Variants in VPS4A observed in about 807,000 individuals in gnomAD.
The protein encoded by VPS4A is vacuolar protein sorting-associated protein 4A.
In VPS4A, 20 loss-of-function variants were observed where a neutral mutation model predicts 52.3. The observed-to-expected ratio is 0.38, with a 90% CI of 0.27 to 0.56. The LOEUF (loss-of-function observed/expected upper bound fraction) is 0.56, where lower values mean the gene tolerates loss of function less well. Among genes scored for constraint, VPS4A ranks in the 20% least tolerant of loss-of-function variants. The pLI is 0.72. For missense variants in VPS4A, 419 were observed against 575.9 expected, an observed-to-expected ratio of 0.73 and a Z score of 2.79; for synonymous variants, 293 against 227.7, an observed-to-expected ratio of 1.29 and a Z score of -2.58.
Position 69,321,494 on chromosome 16 carries a change from G to C in VPS4A, c.1071+224G>C. ...TCAGGGTGTGTGAAAGCAGAGGACA[G>C]GGCCACTTTACTGTCTTAACCCTGC... is the stretch of plus-strand genomic sequence containing the variant. On this transcript the variant is annotated intron_variant, in intron 9 of 10. Coordinates refer to ENST00000254950, the MANE Select transcript of VPS4A (RefSeq NM_013245.3). The surrounding 1 kb of genome is among the most constrained non-coding windows in gnomAD (Gnocchi z 4.5). 1.7e-6 allele frequency: 1 copy of C among 589,710 alleles called. No individual in the cohort carries two copies. 36.5% of individuals were successfully genotyped at this position (589,710 alleles called of 1,614,324 possible).
chr16:69,320,600 C>A lies in VPS4A; in HGVS notation c.770-88C>A. On this transcript the variant is annotated intron_variant, in intron 7 of 10. Coordinates refer to ENST00000254950, the MANE Select transcript of VPS4A (RefSeq NM_013245.3). This position sits in a 1 kb window ranked among gnomAD's most constrained non-coding sequence, Gnocchi z 4.2. ...GCACAGGGATGGCTTCAATTGCTGA[C>A]ACACAAAGCCCCCGGGGTCTGTCCC... 1 of 1,187,776 alleles carries A rather than the reference C, an allele frequency of 8.4e-7. No individual in the cohort carries two copies. Among genetic ancestry groups the A allele is most frequent in the Non-Finnish European group, 1.2e-6 (1 of 837,088 alleles). 73.6% of individuals were successfully genotyped at this position (1,187,776 alleles called of 1,614,324 possible). A position where few individuals can be genotyped will look rare whatever the true frequency, so the allele number is the denominator to read the frequency against.
chr16:69,320,966 T>C lies in VPS4A; in HGVS notation c.852-85T>C. Reference sequence around the variant, plus strand: ...ATCACTGGCCCATGAAATGCGTCCGTTTCACTCAAATCTTCGTGCCTCCCC... The same window carrying C: ...ATCACTGGCCCATGAAATGCGTCCGCTTCACTCAAATCTTCGTGCCTCCCC... On this transcript the variant is annotated intron_variant, in intron 8 of 10. Coordinates refer to ENST00000254950, the MANE Select transcript of VPS4A (RefSeq NM_013245.3). This position sits in a 1 kb window ranked among gnomAD's most constrained non-coding sequence, Gnocchi z 4.2. 1 of 1,413,492 alleles carries C rather than the reference T, an allele frequency of 7.1e-7. No homozygotes were observed. The highest frequency in any genetic ancestry group is 1.8e-4 in the Middle Eastern group (1 of 5,648). The allele number at this position is 1,413,492 out of a possible 1,614,324, so 87.6% of individuals were successfully genotyped here. A position where few individuals can be genotyped will look rare whatever the true frequency, so the allele number is the denominator to read the frequency against.
At chr16:69,315,439 C>A (rs911849661) in intron 1 of VPS4A, among the ~76,000 whole-genome samples, 2 of 152,116 alleles carry the variant, frequency 1.3e-5, no homozygotes, top group Non-Finnish European at 2.9e-5. Flanking sequence ...CTTTAGACAG[C>A]GAAGGAAACT....
chr16:69,320,685 C>T lies in VPS4A; in HGVS notation c.770-3C>T. The T allele has an allele frequency of 1.9e-6, 3 of 1,599,886 alleles. No homozygotes were observed. Among genetic ancestry groups the T allele is most frequent in the Non-Finnish European group, 2.6e-6 (3 of 1,173,318 alleles). On this transcript the variant is annotated splice_region_variant and splice_polypyrimidine_tract_variant and intron_variant, in intron 7 of 10. Transcript: ENST00000254950. This position sits in a 1 kb window ranked among gnomAD's most constrained non-coding sequence, Gnocchi z 4.2. Reference sequence around the variant, plus strand: ...CTGAGTCTTTGTCTCCCTTTCTCCACAGGGGTGGGGAATAACAATGATGGG... The same window carrying T: ...CTGAGTCTTTGTCTCCCTTTCTCCATAGGGGTGGGGAATAACAATGATGGG...
At position 69,320,092 on chromosome 16, in the gene VPS4A, GGGCAC is replaced by G; in HGVS notation, c.621-46_621-42del. On this transcript the variant is annotated intron_variant, in intron 6 of 10. Coordinates refer to ENST00000254950, the MANE Select transcript of VPS4A (RefSeq NM_013245.3). The surrounding 1 kb of genome is among the most constrained non-coding windows in gnomAD (Gnocchi z 4.2). ...AGAGGGAAGTGCCGGGAGCCCAGGCGGGCACGGACGTGAACGTCTTGTCCTCACCC... is the reference window on the plus strand; with the variant it reads ...AGAGGGAAGTGCCGGGAGCCCAGGCGGGACGTGAACGTCTTGTCCTCACCC... 3.2e-6 allele frequency: 5 copies of G among 1,574,376 alleles called. No individual in the cohort carries two copies. The highest frequency in any genetic ancestry group is 4.3e-6 in the Non-Finnish European group (5 of 1,153,546).
intron 1 of VPS4A, among the ~76,000 whole-genome samples, chr16:69,313,283 C>T (rs1367061485): frequency 1.3e-5 from 2 of 151,800 alleles, no homozygotes; most frequent in Non-Finnish European, 1.5e-5. Context: ...CTGTGCCCAG[C>T]GCAACTCACC....
chr16:69,313,130 C>T (rs1319570835), intron 1 of VPS4A, among the ~76,000 whole-genome samples: 1 of 151,764 alleles, frequency 6.6e-6, no homozygotes, highest in Non-Finnish European at 1.5e-5. Context: ...AGGCACCTCC[C>T]ATCACACCCA....
At chr16:69,312,533 C>T (rs1407588571) in intron 1 of VPS4A, among the ~76,000 whole-genome samples, 1 of 152,182 alleles carries the variant, frequency 6.6e-6, no homozygotes, top group Admixed American at 6.5e-5. Flanking sequence ...ATCCCGTCTG[C>T]CCAGGCAGGT....
Position 69,325,392 on chromosome 16 carries a change from GCGCGGTGGCT to G in VPS4A, c.*1085_*1094del. ...ACATTTAAAAGTCGAGAGTTGCTGG[GCGCGGTGGCT>G]CACGCCTGTAATCCCAGCACTTTGG... On this transcript the variant is annotated 3_prime_UTR_variant, in exon 11 of 11. Coordinates refer to ENST00000254950, the MANE Select transcript of VPS4A (RefSeq NM_013245.3). The G allele has an allele frequency of 6.6e-6, 1 of 150,494 alleles. No homozygotes were observed. The highest frequency in any genetic ancestry group is 1.9e-4 in the East Asian group (1 of 5,146). 9.3% of individuals were successfully genotyped at this position (150,494 alleles called of 1,614,324 possible).
chr16:69,317,586 GATTGAGACC>G (rs1965453105), intron 3 of VPS4A, among the ~76,000 whole-genome samples: 2 of 152,318 alleles, frequency 1.3e-5, no homozygotes, highest in African/African-American at 4.8e-5. Flanking sequence ...GAGGTCAGGA[GATTGAGACC>G]ATCCTGGCTA....
rs71383985 is a variant in VPS4A at position 69,313,985 on chromosome 16, CT to C, written c.22-2003del. On this transcript the variant is annotated intron_variant, in intron 1 of 10. Transcript: ENST00000254950. ...GGCTGCCAGAAAAGTCCAGTGCACT[CT>C]TTTTTTTTTTTTTTTTTTTGAGATG... Among the ~76,000 whole-genome samples, 529 of 118,648 alleles carry C rather than the reference CT, an allele frequency of 4.5e-3. 2 individuals carry two copies. Among genetic ancestry groups the C allele is most frequent in the Middle Eastern group, 5.0e-3 (1 of 202 alleles). The allele number at this position is 118,648 out of a possible 152,430, so 77.8% of individuals were successfully genotyped here. A position where few individuals can be genotyped will look rare whatever the true frequency, so the allele number is the denominator to read the frequency against.
chr16:69,315,527 T>C (rs1278649601), intron 1 of VPS4A, among the ~76,000 whole-genome samples: 1 of 152,204 alleles, frequency 6.6e-6, no homozygotes, highest in African/African-American at 2.4e-5. Flanking sequence ...GTGTATCCTG[T>C]GCAAACTTGC....
At position 69,320,857 on chromosome 16, in the gene VPS4A, T is replaced by A; in HGVS notation, c.851+88T>A. ...TGCTGCTGGCAGCCCGGGTGCAGCC[T>A]GGCCCCTTTTCCCTGGAGTCTTCCC... On this transcript the variant is annotated intron_variant, in intron 8 of 10. Transcript: ENST00000254950. This position sits in a 1 kb window ranked among gnomAD's most constrained non-coding sequence, Gnocchi z 4.2. The A allele has an allele frequency of 7.2e-7, 1 of 1,383,952 alleles. No homozygotes were observed. 85.7% of individuals were successfully genotyped at this position (1,383,952 alleles called of 1,614,324 possible). A position where few individuals can be genotyped will look rare whatever the true frequency, so the allele number is the denominator to read the frequency against.
In VPS4A at chr16:69,321,318, G is replaced by A. The variant is rs1965508219; in HGVS notation, c.1071+48G>A. 2 of 1,526,882 alleles carry A rather than the reference G, an allele frequency of 1.3e-6. No homozygotes were observed. The highest frequency in any genetic ancestry group is 1.8e-6 in the Non-Finnish European group (2 of 1,132,234). 94.6% of individuals were successfully genotyped at this position (1,526,882 alleles called of 1,614,324 possible). ...GAGAAAAATCTCATAGTAAGAGCGGGATGTTCGGTTTTTTTTTTCCCAGCT... is the reference window on the plus strand; with the variant it reads ...GAGAAAAATCTCATAGTAAGAGCGGAATGTTCGGTTTTTTTTTTCCCAGCT... On this transcript the variant is annotated intron_variant, in intron 9 of 10. Coordinates refer to ENST00000254950, the MANE Select transcript of VPS4A (RefSeq NM_013245.3). The surrounding 1 kb of genome is among the most constrained non-coding windows in gnomAD (Gnocchi z 4.5).
In VPS4A at chr16:69,320,627, A is replaced by G. The variant is rs1474362182; in HGVS notation, c.770-61A>G. ...CACAAAGCCCCCGGGGTCTGTCCCCAGGTTTCAACTGACCCGTGCAGGTGT... is the reference window on the plus strand; with the variant it reads ...CACAAAGCCCCCGGGGTCTGTCCCCGGGTTTCAACTGACCCGTGCAGGTGT... On this transcript the variant is annotated intron_variant, in intron 7 of 10. Transcript: ENST00000254950. This position sits in a 1 kb window ranked among gnomAD's most constrained non-coding sequence, Gnocchi z 4.2. 11 of 1,448,224 alleles carry G rather than the reference A, an allele frequency of 7.6e-6. No individual in the cohort carries two copies. Among genetic ancestry groups the G allele is most frequent in the Non-Finnish European group, 1.0e-5 (11 of 1,057,788 alleles). The allele number at this position is 1,448,224 out of a possible 1,614,324, so 89.7% of individuals were successfully genotyped here. A position where few individuals can be genotyped will look rare whatever the true frequency, so the allele number is the denominator to read the frequency against.
Position 69,326,144 on chromosome 16 carries a change from C to T in VPS4A, c.*1835C>T, listed in dbSNP as rs1965591720. 6.6e-6 allele frequency: 1 copy of T among 152,386 alleles called. No homozygotes were observed. The highest frequency in any genetic ancestry group is 2.4e-5 in the African/African-American group (1 of 41,480). 9.4% of individuals were successfully genotyped at this position (152,386 alleles called of 1,614,324 possible). On this transcript the variant is annotated 3_prime_UTR_variant, in exon 11 of 11. Coordinates refer to ENST00000254950, the MANE Select transcript of VPS4A (RefSeq NM_013245.3). ...AACCTTCCCTCTCCAAAACCCAGTACTGCTCCTCTACCTTTCAAACCTGGT... is the reference window on the plus strand; with the variant it reads ...AACCTTCCCTCTCCAAAACCCAGTATTGCTCCTCTACCTTTCAAACCTGGT...
rs1017919133 is a variant in VPS4A, at chr16:69,326,322, A to C, written c.*2013A>C. ...TCCAGTGCTGGCAGGTTACCCCTCAACCATAGCAGCTGGGATCTTTGTGGC... is the reference window on the plus strand; with the variant it reads ...TCCAGTGCTGGCAGGTTACCCCTCACCCATAGCAGCTGGGATCTTTGTGGC... On this transcript the variant is annotated 3_prime_UTR_variant, in exon 11 of 11. Transcript: ENST00000254950. The C allele has an allele frequency of 1.3e-5, 2 of 152,124 alleles. No individual in the cohort carries two copies. The highest frequency in any genetic ancestry group is 2.9e-5 in the Non-Finnish European group (2 of 68,014). The allele number at this position is 152,124 out of a possible 1,614,324, so 9.4% of individuals were successfully genotyped here. A position where few individuals can be genotyped will look rare whatever the true frequency, so the allele number is the denominator to read the frequency against.
rs907294703 is a variant in VPS4A at position 69,320,982 on chromosome 16, G to C, written c.852-69G>C. On this transcript the variant is annotated intron_variant, in intron 8 of 10. Transcript: ENST00000254950. This position sits in a 1 kb window ranked among gnomAD's most constrained non-coding sequence, Gnocchi z 4.2. ...ATGCGTCCGTTTCACTCAAATCTTC[G>C]TGCCTCCCCTTCCGTGAATACCATT... The C allele has an allele frequency of 1.6e-5, 24 of 1,467,862 alleles. No individual in the cohort carries two copies. The highest frequency in any genetic ancestry group is 2.8e-5 in the African/African-American group (2 of 71,284). 90.9% of individuals were successfully genotyped at this position (1,467,862 alleles called of 1,614,324 possible).
Position 69,311,405 on chromosome 16 carries a change from G to A in VPS4A, c.-107G>A, listed in dbSNP as rs1319058356. 2 of 1,182,996 alleles carry A rather than the reference G, an allele frequency of 1.7e-6. No homozygotes were observed. 73.3% of individuals were successfully genotyped at this position (1,182,996 alleles called of 1,614,324 possible). A position where few individuals can be genotyped will look rare whatever the true frequency, so the allele number is the denominator to read the frequency against. On this transcript the variant is annotated 5_prime_UTR_variant, in exon 1 of 11. Coordinates refer to ENST00000254950, the MANE Select transcript of VPS4A (RefSeq NM_013245.3). Reference sequence around the variant, plus strand: ...CCGCCCTGCCCGCGCACCGCGCTCAGCGCCCACCGCCGGGCTTCCCGCGCC... The same window carrying A: ...CCGCCCTGCCCGCGCACCGCGCTCAACGCCCACCGCCGGGCTTCCCGCGCC...
Sources: gnomAD v4.1 joint callset for allele counts (sites outside exome capture counted in the v4.1 genomes callset) on GRCh38, gnomAD v4.1.1 for gene constraint, Gnocchi (gnomAD v3.1) non-coding constraint, MANE v1.5 for transcripts, NCBI Gene and HGNC (gene_info 2026-07-23, HGNC 2026-07-21) for gene names.